BRAP: variants seen among roughly 807,000 people sequenced by gnomAD.
The protein encoded by BRAP is BRCA1-associated protein.
BRAP carries 42 observed loss-of-function variants against 73.4 expected under a neutral mutation model. The ratio of observed to expected loss-of-function variants is 0.57; its 90% CI spans 0.45 to 0.74. BRAP has a LOEUF of 0.74. Among genes scored for constraint, BRAP ranks in the 30% least tolerant of loss-of-function variants. The probability of loss-of-function intolerance (pLI) is 0.00; values close to 1 mark genes in which losing one functional copy is unlikely to be tolerated. For missense variants in BRAP, 593 were observed against 751.4 expected, an observed-to-expected ratio of 0.79 and a Z score of 2.46; for synonymous variants, 255 against 267.4, an observed-to-expected ratio of 0.95 and a Z score of 0.45.
intron 6 of BRAP, 149 bp from the exon 7 acceptor site, chr12:111,660,824 C>T (rs899160658): frequency 1.5e-5 from 8 of 532,084 alleles, no homozygotes; most frequent in Non-Finnish European, 2.5e-5. Flanking sequence ...ATAAAATATA[C>T]AAAATAAAAA....
chr12:111,667,698 C>CAAAAAAA lies in BRAP; in HGVS notation c.748-1918_748-1912dup, dbSNP rs565349424. Among the ~76,000 whole-genome samples, 12 of 21,282 alleles carry CAAAAAAA rather than the reference C, an allele frequency of 5.6e-4. 1 individual carries two copies. Among genetic ancestry groups the CAAAAAAA allele is most frequent in the East Asian group, 0.01 (2 of 192 alleles). 14.0% of individuals were successfully genotyped at this position (21,282 alleles called of 152,430 possible). ...TGGGAGACAGAGTGAAACTCCGTCTCAAAAAAAAAAAAAAAAAAAAAAAGC... is the reference window on the plus strand; with the variant it reads ...TGGGAGACAGAGTGAAACTCCGTCTCAAAAAAAAAAAAAAAAAAAAAAAAAAAAAAGC... On this transcript the variant is annotated intron_variant, in intron 5 of 11. Transcript: ENST00000419234.
intron 6 of BRAP, among the ~76,000 whole-genome samples, chr12:111,664,542 T>A (rs886756094): frequency 6.6e-6 from 1 of 152,228 alleles, no homozygotes; most frequent in Non-Finnish European, 1.5e-5. Flanking sequence ...GCAAGACTCC[T>A]GTCCAGCTAA....
intron 1 of BRAP, among the ~76,000 whole-genome samples, chr12:111,684,659 A>G (rs994405008): frequency 1.3e-4 from 20 of 151,528 alleles, no homozygotes; most frequent in African/African-American, 4.6e-4. Context: ...AGATATGAGC[A>G]TAAGTTTTTT....
At chr12:111,652,671 G>C (rs188533570) in intron 10 of BRAP, among the ~76,000 whole-genome samples, 1 of 152,258 alleles carries the variant, frequency 6.6e-6, no homozygotes, top group Non-Finnish European at 1.5e-5. Context: ...GAGCCCAGGA[G>C]TTGGAGATCA....
chr12:111,670,795 C>A (rs1177794102), intron 5 of BRAP, among the ~76,000 whole-genome samples: 1 of 151,524 alleles, frequency 6.6e-6, no homozygotes, highest in African/African-American at 2.4e-5. Context: ...TGGCCCAGGT[C>A]TAATTTAAAA....
intron 6 of BRAP, among the ~76,000 whole-genome samples, chr12:111,663,776 C>A (rs1172797576): frequency 6.6e-6 from 1 of 152,168 alleles, no homozygotes; most frequent in African/African-American, 2.4e-5. Context: ...CAGTTCTATG[C>A]ATGTACCAAG....
intron 11 of BRAP, among the ~76,000 whole-genome samples, chr12:111,649,316 C>A (rs1483273205): frequency 6.6e-6 from 1 of 152,082 alleles, no homozygotes; most frequent in Non-Finnish European, 1.5e-5. Flanking sequence ...CCATGCCCAG[C>A]TCATTTTTGT....
chr12:111,651,413 C>T (rs1480006839), intron 10 of BRAP, among the ~76,000 whole-genome samples: 1 of 151,648 alleles, frequency 6.6e-6, no homozygotes, highest in Non-Finnish European at 1.5e-5. Flanking sequence ...TGGCAGGCGC[C>T]TGTAATCCCA....
At chr12:111,648,253 G>A (rs187024083) in intron 11 of BRAP, among the ~76,000 whole-genome samples, 2 of 147,530 alleles carry the variant, frequency 1.4e-5, no homozygotes, top group Admixed American at 6.8e-5. Context: ...AACTGAGATC[G>A]CTCCACTGTA....
At chr12:111,675,433 T>A (rs993188715) in intron 4 of BRAP, among the ~76,000 whole-genome samples, 1 of 150,240 alleles carries the variant, frequency 6.7e-6, no homozygotes, top group Non-Finnish European at 1.5e-5. Flanking sequence ...ATTGATCTCT[T>A]CTTTAAAATC....
intron 5 of BRAP, among the ~76,000 whole-genome samples, chr12:111,666,202 C>G (rs1213381737): frequency 1.3e-5 from 2 of 152,184 alleles, no homozygotes; most frequent in Non-Finnish European, 2.9e-5. Flanking sequence ...GTGAACAAAA[C>G]AAAGATCTCT....
At position 111,670,316 on chromosome 12, in the gene BRAP, C is replaced by T. The variant is rs1473483914; in HGVS notation, c.747+2345G>A. ...AAGTTTTTCTGCCTCTTCTTCAGGT[C>T]CTCTGGCAGCTCCAGCTCGCTGAGA... On this transcript the variant is annotated intron_variant, in intron 5 of 11. Coordinates refer to ENST00000419234, the MANE Select transcript of BRAP (RefSeq NM_006768.5). The T allele has an allele frequency of 7.4e-6, 4 of 543,462 alleles. No individual in the cohort carries two copies. In the African/African-American group the frequency reaches 7.7e-5, roughly 10 times the overall value. 33.7% of individuals were successfully genotyped at this position (543,462 alleles called of 1,614,324 possible).
intron 6 of BRAP, among the ~76,000 whole-genome samples, chr12:111,661,843 C>G (rs2135909576): frequency 6.6e-6 from 1 of 152,030 alleles, no homozygotes; most frequent in East Asian, 1.9e-4. Context: ...TCCCAAGTAG[C>G]TGGGATTGTA....
chr12:111,664,317 G>T (rs887036142), intron 6 of BRAP, among the ~76,000 whole-genome samples: 4 of 152,168 alleles, frequency 2.6e-5, no homozygotes, highest in Non-Finnish European at 5.9e-5. Context: ...GGGTGACAGA[G>T]CAAGACCCTG....
intron 10 of BRAP, among the ~76,000 whole-genome samples, chr12:111,651,278 G>A (rs557722183): frequency 2.1e-4 from 32 of 151,934 alleles, no homozygotes; most frequent in African/African-American, 7.5e-4. Context: ...GATGGCTCAC[G>A]CCTGTAATCC....
At chr12:111,671,957 CA>C (rs1210229243) in intron 5 of BRAP, among the ~76,000 whole-genome samples, 2 of 152,068 alleles carry the variant, frequency 1.3e-5, no homozygotes, top group African/African-American at 4.8e-5. Context: ...CTCCTGTGCT[CA>C]AGCGATCCGT....
chr12:111,644,798 C>T (rs1886044597), intron 11 of BRAP, among the ~76,000 whole-genome samples: 2 of 152,224 alleles, frequency 1.3e-5, no homozygotes, highest in Middle Eastern at 3.4e-3. Context: ...CTCTTGTTGC[C>T]CAGGCTGGAA....
chr12:111,668,144 C>T (rs1212583575), intron 5 of BRAP, among the ~76,000 whole-genome samples: 5 of 152,004 alleles, frequency 3.3e-5, no homozygotes, highest in African/African-American at 1.2e-4. Context: ...GAGGCATAGG[C>T]TGCAGTGAGC....
At chr12:111,675,861 G>A (rs1241881823) in intron 4 of BRAP, among the ~76,000 whole-genome samples, 1 of 151,918 alleles carries the variant, frequency 6.6e-6, no homozygotes, top group Admixed American at 6.6e-5. Context: ...GCACGCAGGT[G>A]AAAAAAGCCA....
Sources: allele counts gnomAD v4.1 joint callset (sites outside exome capture counted in the v4.1 genomes callset), GRCh38; gene constraint gnomAD v4.1.1; transcripts MANE v1.5; gene names NCBI Gene and HGNC (gene_info 2026-07-23, HGNC 2026-07-21).